GABPB1: variants seen among roughly 807,000 people sequenced by gnomAD.
GABPB1 encodes GA-binding protein subunit beta-1.
A neutral mutation model predicts 45.9 loss-of-function variants in GABPB1; 15 were observed. That is an observed-to-expected ratio of 0.33 (90% CI 0.22 to 0.50). The LOEUF is 0.50. GABPB1 is among the 20% of genes least tolerant of loss of function. GABPB1 has a pLI of 0.98. For synonymous variants in GABPB1, 143 were observed against 154.4 expected (o/e 0.93, Z 0.55); for missense variants, 252 against 457.5 (o/e 0.55, Z 4.10).
At chr15:50,338,030 A>C (rs1197511180) in intron 1 of GABPB1, among the ~76,000 whole-genome samples, 1 of 152,096 alleles carries the variant, frequency 6.6e-6, no homozygotes, top group Non-Finnish European at 1.5e-5. Flanking sequence ...ATATAGCAAA[A>C]GCTTAGTTTT....
chr15:50,293,096 A>G (rs2046405503), intron 6 of GABPB1, among the ~76,000 whole-genome samples: 1 of 151,610 alleles, frequency 6.6e-6, no homozygotes, highest in Non-Finnish European at 1.5e-5. Context: ...TGCAATTACA[A>G]AAAGTGTAAT....
intron 1 of GABPB1, chr15:50,346,516 C>G (rs1213641801): frequency 2.0e-5 from 3 of 151,428 alleles, no homozygotes; most frequent in South Asian, 2.1e-4. Context: ...AGGAGTTAAG[C>G]TAAACGTCTC....
intron 1 of GABPB1, among the ~76,000 whole-genome samples, chr15:50,319,227 C>G (rs2047464543): frequency 6.6e-6 from 1 of 152,020 alleles, no homozygotes; most frequent in South Asian, 2.1e-4. Context: ...CATAAGAAGG[C>G]TTATTTTTTT....
At chr15:50,295,518 T>C (rs1220574399) in intron 6 of GABPB1, among the ~76,000 whole-genome samples, 1 of 152,156 alleles carries the variant, frequency 6.6e-6, no homozygotes, top group Non-Finnish European at 1.5e-5. Flanking sequence ...CCTGTAAACC[T>C]TAGAAGAAAG....
chr15:50,325,214 G>A (rs2047707488), intron 1 of GABPB1, among the ~76,000 whole-genome samples: 1 of 151,866 alleles, frequency 6.6e-6, no homozygotes, highest in African/African-American at 2.4e-5. Flanking sequence ...ATGGTAAGTG[G>A]GCCTAGATCA....
In GABPB1 at chr15:50,304,144, G is replaced by C; in HGVS notation, c.109-11C>G. The C allele has an allele frequency of 1.7e-6, 2 of 1,206,618 alleles. No individual in the cohort carries two copies. Among genetic ancestry groups the C allele is most frequent in the Non-Finnish European group, 2.2e-6 (2 of 897,426 alleles). The allele number at this position is 1,206,618 out of a possible 1,614,324, so 74.7% of individuals were successfully genotyped here. A position where few individuals can be genotyped will look rare whatever the true frequency, so the allele number is the denominator to read the frequency against. Reference sequence around the variant, plus strand: ...TGGAGAAGTTCCCAGCTGTACCACAGAAAAAAAAAAAAATCCACATTTACA... The same window carrying C: ...TGGAGAAGTTCCCAGCTGTACCACACAAAAAAAAAAAAATCCACATTTACA... On this transcript the variant is annotated splice_polypyrimidine_tract_variant and intron_variant, in intron 2 of 8. Transcript: ENST00000380877.
intron 1 of GABPB1, chr15:50,352,752 G>A (rs2048892816): frequency 6.6e-6 from 1 of 152,174 alleles, no homozygotes; most frequent in African/African-American, 2.4e-5. Flanking sequence ...TCCTGTTGAT[G>A]GAACAGTAGA....
At chr15:50,283,660 G>A (rs987130517) in intron 8 of GABPB1, among the ~76,000 whole-genome samples, 1 of 152,056 alleles carries the variant, frequency 6.6e-6, no homozygotes, top group Non-Finnish European at 1.5e-5. Flanking sequence ...ACAGGTGCGT[G>A]CCACCACACC....
At chr15:50,296,278 C>T (rs988558337) in intron 6 of GABPB1, among the ~76,000 whole-genome samples, 2 of 152,130 alleles carry the variant, frequency 1.3e-5, no homozygotes, top group Non-Finnish European at 2.9e-5. Context: ...ACTGATGGAG[C>T]TTACACTATA....
chr15:50,311,234 G>C (rs954797639), intron 1 of GABPB1, among the ~76,000 whole-genome samples: 1 of 152,056 alleles, frequency 6.6e-6, no homozygotes, highest in Non-Finnish European at 1.5e-5. Context: ...AACCCAGAAA[G>C]ACTATCCAGC....
At chr15:50,304,358 T>A (rs984145566) in intron 2 of GABPB1, among the ~76,000 whole-genome samples, 3 of 152,230 alleles carry the variant, frequency 2.0e-5, no homozygotes, top group South Asian at 2.1e-4. Context: ...ATTCAAACTT[T>A]CTTTCTTCAT....
chr15:50,334,006 G>A (rs1444108046), intron 1 of GABPB1, among the ~76,000 whole-genome samples: 1 of 149,066 alleles, frequency 6.7e-6, no homozygotes, highest in African/African-American at 2.5e-5. Flanking sequence ...CTCCAGCCTG[G>A]GCAACAAGAG....
intron 1 of GABPB1, among the ~76,000 whole-genome samples, chr15:50,340,753 T>A (rs1231935724): frequency 9.6e-6 from 1 of 104,040 alleles, no homozygotes; most frequent in South Asian, 2.9e-4. Flanking sequence ...AAATGTTTGT[T>A]GGCCACTATG....
intron 8 of GABPB1, among the ~76,000 whole-genome samples, chr15:50,280,126 T>G (rs1178978158): frequency 6.6e-6 from 1 of 152,042 alleles, no homozygotes; most frequent in Non-Finnish European, 1.5e-5. Flanking sequence ...AGACAAAAGA[T>G]CTCCAAATCT....
chr15:50,288,839 T>A (rs11632019), intron 7 of GABPB1, among the ~76,000 whole-genome samples: 74,452 of 151,296 alleles, frequency 0.49, 19,348 homozygotes, highest in Middle Eastern at 0.65. Context: ...TTTTTTTCTT[T>A]TTCTGAGAAA....
chr15:50,303,453 G>A (rs1279978291), intron 3 of GABPB1, among the ~76,000 whole-genome samples: 1 of 152,196 alleles, frequency 6.6e-6, no homozygotes, highest in Admixed American at 6.5e-5. Context: ...GGAGCCCAAG[G>A]CAGGCGGATC....
At position 50,303,097 on chromosome 15, in the gene GABPB1, G is replaced by A. The variant is rs2046815052; in HGVS notation, c.303C>T (p.Asp101=). 6.2e-7 allele frequency: 1 copy of A among 1,612,342 alleles called. No individual in the cohort carries two copies. The highest frequency in any genetic ancestry group is 1.7e-5 in the Admixed American group (1 of 59,740). Residue 101 remains aspartate, a synonymous_variant, in exon 4 of 9, where the codon GAC becomes GAT. Coordinates refer to ENST00000380877, the MANE Select transcript of GABPB1 (RefSeq NM_016654.5). ...LKHGADVNAK[D]MLKMTALHWA... ...AATGGAGAGCTGTCATCTTTAACAT[G>A]TCCTTTGCATTGACATCAGCACCAT...
At chr15:50,341,324 G>T (rs1457128137) in intron 1 of GABPB1, among the ~76,000 whole-genome samples, 1 of 151,978 alleles carries the variant, frequency 6.6e-6, no homozygotes, top group Non-Finnish European at 1.5e-5. Context: ...ACCTGAGGTC[G>T]GAGTTCGAGA....
At chr15:50,311,723 T>C (rs1309093702) in intron 1 of GABPB1, among the ~76,000 whole-genome samples, 1 of 152,114 alleles carries the variant, frequency 6.6e-6, no homozygotes, top group Non-Finnish European at 1.5e-5. Context: ...AAGGAGCGTA[T>C]GTGTGAGAAG....
Sources: allele counts gnomAD v4.1 joint callset (sites outside exome capture counted in the v4.1 genomes callset), GRCh38; gene constraint gnomAD v4.1.1; transcripts MANE v1.5; gene names NCBI Gene and HGNC (gene_info 2026-07-23, HGNC 2026-07-21).